The following EPHA5 variants were observed in gnomAD, a reference collection of about 807,000 sequenced individuals.
EPHA5 encodes the protein EPH receptor A5, also known as ephrin type-A receptor 5.
Under a neutral mutation model 105.0 loss-of-function variants are expected in EPHA5, and 60 were observed. The observed-to-expected ratio is 0.57, with a 90% CI of 0.46 to 0.71. EPHA5 has a LOEUF of 0.71. Ranked by LOEUF, EPHA5 falls within the 30% of genes least tolerant of loss-of-function variation. EPHA5 has a pLI of 0.00. For synonymous variants in EPHA5, 513 were observed against 449.1 expected, an observed-to-expected ratio of 1.14 and a Z score of -1.80; for missense variants, 1,218 against 1,274.7, an observed-to-expected ratio of 0.96 and a Z score of 0.68.
At chr4:65,656,598 T>A (rs1749087819) in intron 1 of EPHA5, among the ~76,000 whole-genome samples, 1 of 147,314 alleles carries the variant, frequency 6.8e-6, no homozygotes, top group Non-Finnish European at 1.5e-5. Context: ...TATATATATA[T>A]AATATATATA....
rs934618975 is a variant in EPHA5 at position 65,459,552 on chromosome 4, C to T, written c.1402+30825G>A. 5.3e-5 allele frequency among the ~76,000 whole-genome samples: 8 copies of T among 151,858 alleles called. No individual in the cohort carries two copies. The East Asian group carries it at 1.5e-3, about 29-fold the overall frequency. On this transcript the variant is annotated intron_variant, in intron 5 of 16. Transcript: ENST00000613740. ...ACTGTGTCAGTGGTCTGAACTGTAA[C>T]TTGACATACACAGATTTACCTCTAA...
intron 7 of EPHA5, among the ~76,000 whole-genome samples, chr4:65,408,568 AG>A (rs993431112): frequency 2.8e-3 from 23 of 8,246 alleles, no homozygotes; most frequent in East Asian, 0.017. Context: ...ACTTTTATGC[AG>A]CCAAAAAACA....
intron 3 of EPHA5, among the ~76,000 whole-genome samples, chr4:65,506,025 A>G (rs1453653843): frequency 6.6e-6 from 1 of 151,942 alleles, no homozygotes; most frequent in Non-Finnish European, 1.5e-5. Context: ...AACAGGCCCC[A>G]GTGTGTGATG....
At chr4:65,369,054 G>C (rs1024494483) in intron 8 of EPHA5, among the ~76,000 whole-genome samples, 3 of 152,160 alleles carry the variant, frequency 2.0e-5, no homozygotes, top group African/African-American at 7.2e-5. Flanking sequence ...GAGTGCGCTT[G>C]TTGGCTTCCT....
At chr4:65,455,792 C>T (rs1727524252) in intron 5 of EPHA5, among the ~76,000 whole-genome samples, 1 of 152,120 alleles carries the variant, frequency 6.6e-6, no homozygotes. Flanking sequence ...CCTTCATTGG[C>T]CCAGACTTGA....
intron 16 of EPHA5, among the ~76,000 whole-genome samples, chr4:65,329,985 T>C (rs1720438591): frequency 6.6e-6 from 1 of 151,308 alleles, no homozygotes; most frequent in Non-Finnish European, 1.5e-5. Context: ...TGGCATGTAG[T>C]TAAATTTAAA....
intron 5 of EPHA5, among the ~76,000 whole-genome samples, chr4:65,454,070 T>A (rs1404121346): frequency 1.3e-5 from 2 of 151,976 alleles, no homozygotes; most frequent in African/African-American, 4.8e-5. Context: ...CACCTGAGGT[T>A]GGGAGTTCGA....
chr4:65,656,370 C>A (rs1478265189), intron 1 of EPHA5, among the ~76,000 whole-genome samples: 1 of 151,300 alleles, frequency 6.6e-6, no homozygotes, highest in Non-Finnish European at 1.5e-5. Flanking sequence ...AACTGTGTAA[C>A]TGAAAGCTTA....
intron 9 of EPHA5, 104 bp downstream of exon 9, chr4:65,367,253 A>G (rs1262076976): frequency 1.3e-5 from 12 of 921,686 alleles, no homozygotes; most frequent in Non-Finnish European, 1.9e-5. Context: ...AAAAAAAACA[A>G]TATTTTGGTC....
intron 3 of EPHA5, among the ~76,000 whole-genome samples, chr4:65,505,759 T>A (rs1306374586): frequency 6.6e-6 from 1 of 152,138 alleles, no homozygotes; most frequent in East Asian, 1.9e-4. Context: ...CATTTGTAAT[T>A]ATTTTTTAAG....
chr4:65,605,699 T>C (rs1744162195), intron 2 of EPHA5, among the ~76,000 whole-genome samples: 3 of 152,066 alleles, frequency 2.0e-5, no homozygotes, highest in Admixed American at 1.3e-4. Flanking sequence ...AGTAAGAAAC[T>C]TTGGAGTAGA....
chr4:65,656,131 T>TAAAAAAAAAAAAAAAAAAAAAA (rs34038643), intron 1 of EPHA5, among the ~76,000 whole-genome samples: 1 of 109,612 alleles, frequency 9.1e-6, no homozygotes, highest in South Asian at 3.4e-4. Flanking sequence ...TGCTGCTGCT[T>TAAAAAAAAAAAAAAAAAAAAAA]AAAAAAAAAA....
At chr4:65,427,475 C>T (rs1416847671) in intron 5 of EPHA5, among the ~76,000 whole-genome samples, 1 of 151,988 alleles carries the variant, frequency 6.6e-6, no homozygotes, top group African/African-American at 2.4e-5. Context: ...GTCACCGCGC[C>T]CCGTCCTTGA....
At chr4:65,337,486 T>C (rs1423976919) in intron 14 of EPHA5, among the ~76,000 whole-genome samples, 3 of 152,042 alleles carry the variant, frequency 2.0e-5, no homozygotes, top group African/African-American at 7.2e-5. Context: ...GCATTCTCCT[T>C]ATGATAAATA....
chr4:65,555,843 T>C (rs984046113), intron 3 of EPHA5, among the ~76,000 whole-genome samples: 1 of 152,118 alleles, frequency 6.6e-6, no homozygotes, highest in East Asian at 1.9e-4. Context: ...CGATTTGGCA[T>C]TTTCAGCCTG....
chr4:65,606,902 C>G (rs1189874626), intron 2 of EPHA5, among the ~76,000 whole-genome samples: 2 of 152,106 alleles, frequency 1.3e-5, no homozygotes, highest in African/African-American at 4.8e-5. Flanking sequence ...TCTGACATGA[C>G]CAAATCATAA....
intron 3 of EPHA5, among the ~76,000 whole-genome samples, chr4:65,546,479 G>A (rs1441992460): frequency 1.3e-5 from 2 of 151,846 alleles, no homozygotes; most frequent in East Asian, 3.9e-4. Flanking sequence ...CTGGACTTCT[G>A]CCTATTAACA....
intron 7 of EPHA5, among the ~76,000 whole-genome samples, chr4:65,411,930 A>C (rs1722949357): frequency 6.6e-6 from 1 of 152,202 alleles, no homozygotes. Flanking sequence ...TCAATTTTAA[A>C]ATAATAAGCA....
intron 5 of EPHA5, among the ~76,000 whole-genome samples, chr4:65,458,803 A>G (rs1727855188): frequency 6.6e-6 from 1 of 152,050 alleles, no homozygotes; most frequent in African/African-American, 2.4e-5. Context: ...CCTGTTATTA[A>G]TTTGTTCAAT....
Sources: gnomAD v4.1 joint callset for allele counts (sites outside exome capture counted in the v4.1 genomes callset) on GRCh38, gnomAD v4.1.1 for gene constraint, MANE v1.5 for transcripts, NCBI Gene and HGNC (gene_info 2026-07-23, HGNC 2026-07-21) for gene names.